The following CNTNAP5 variants were observed in gnomAD, a reference collection of about 807,000 sequenced individuals.
The protein encoded by CNTNAP5 is contactin-associated protein-like 5.
A neutral mutation model predicts 150.2 loss-of-function variants in CNTNAP5; 72 were observed. The observed-to-expected ratio is 0.48, with a 90% CI of 0.40 to 0.58. The LOEUF is 0.58. Among genes scored for constraint, CNTNAP5 ranks in the 20% least tolerant of loss-of-function variants. The pLI is 0.00. For synonymous variants in CNTNAP5, 672 were observed against 619.8 expected, an observed-to-expected ratio of 1.08 and a Z score of -1.25; for missense variants, 1,636 against 1,626.2, an observed-to-expected ratio of 1.01 and a Z score of -0.10.
At chr2:124,884,572 C>G (rs970134092) in intron 21 of CNTNAP5, among the ~76,000 whole-genome samples, 1 of 151,902 alleles carries the variant, frequency 6.6e-6, no homozygotes, top group Non-Finnish European at 1.5e-5. Context: ...AGGGCTGGGC[C>G]TTTAGTTAGA....
intron 11 of CNTNAP5, among the ~76,000 whole-genome samples, chr2:124,597,936 C>T (rs1354675487): frequency 7.6e-6 from 1 of 131,084 alleles, no homozygotes; most frequent in African/African-American, 2.8e-5. Context: ...TTGATCGCAT[C>T]GGCTCCTGAG....
At chr2:124,754,589 C>G (rs1369802060) in intron 14 of CNTNAP5, among the ~76,000 whole-genome samples, 1 of 152,112 alleles carries the variant, frequency 6.6e-6, no homozygotes, top group Non-Finnish European at 1.5e-5. Flanking sequence ...TAGTTATTTT[C>G]TGCTGTTTCA....
intron 1 of CNTNAP5, among the ~76,000 whole-genome samples, chr2:124,196,015 C>G (rs1183529811): frequency 2.0e-5 from 3 of 152,012 alleles, no homozygotes; most frequent in Non-Finnish European, 4.4e-5. Context: ...ACTTTTTGGA[C>G]TCATTTTGAG....
At chr2:124,175,467 A>C (rs1685041618) in intron 1 of CNTNAP5, among the ~76,000 whole-genome samples, 1 of 152,008 alleles carries the variant, frequency 6.6e-6, no homozygotes, top group Non-Finnish European at 1.5e-5. Context: ...TTTTAGATTC[A>C]TGGGGTACAC....
intron 19 of CNTNAP5, among the ~76,000 whole-genome samples, chr2:124,858,709 CA>C (rs1162513878): frequency 6.6e-6 from 1 of 151,858 alleles, no homozygotes; most frequent in Non-Finnish European, 1.5e-5. Context: ...AATGGATACA[CA>C]AAAAATAAAA....
intron 21 of CNTNAP5, among the ~76,000 whole-genome samples, chr2:124,881,182 T>C (rs1677956889): frequency 6.6e-6 from 1 of 152,094 alleles, no homozygotes; most frequent in African/African-American, 2.4e-5. Flanking sequence ...TCAGAGCTGC[T>C]GTTATCAGAC....
At chr2:124,421,200 T>C (rs1692095942) in intron 4 of CNTNAP5, among the ~76,000 whole-genome samples, 1 of 152,220 alleles carries the variant, frequency 6.6e-6, no homozygotes, top group Admixed American at 6.5e-5. Flanking sequence ...ACCCCACATC[T>C]GTATCTCATG....
chr2:124,136,997 C>T (rs535242053), intron 1 of CNTNAP5, among the ~76,000 whole-genome samples: 4 of 152,210 alleles, frequency 2.6e-5, no homozygotes, highest in Non-Finnish European at 4.4e-5. Context: ...CTAACCTAGG[C>T]TGGAGGAGAA....
At chr2:124,878,463 T>C (rs1677903457) in intron 21 of CNTNAP5, among the ~76,000 whole-genome samples, 2 of 152,084 alleles carry the variant, frequency 1.3e-5, no homozygotes, top group Admixed American at 6.6e-5. Flanking sequence ...ACCAGTATAA[T>C]AATAATATAA....
intron 21 of CNTNAP5, among the ~76,000 whole-genome samples, chr2:124,896,546 T>C (rs546292590): frequency 6.6e-4 from 100 of 151,324 alleles, no homozygotes; most frequent in Admixed American, 1.1e-3. Flanking sequence ...TCTTTTTTTT[T>C]TGGTTTCTTT....
chr2:124,796,793 A>G (rs1373460142), intron 18 of CNTNAP5, among the ~76,000 whole-genome samples: 2 of 152,194 alleles, frequency 1.3e-5, no homozygotes, highest in South Asian at 4.1e-4. Flanking sequence ...TAATCATGCC[A>G]ATATGGGTTT....
At chr2:124,336,502 C>A (rs1306953729) in intron 3 of CNTNAP5, among the ~76,000 whole-genome samples, 5 of 149,290 alleles carry the variant, frequency 3.3e-5, no homozygotes, top group Non-Finnish European at 5.9e-5. Flanking sequence ...TTAGGTATAT[C>A]TCCTAATGCT....
In CNTNAP5 at chr2:124,527,365, G is replaced by A; in HGVS notation, c.1558G>A (p.Asp520Asn). 6.2e-7 allele frequency: 1 copy of A among 1,613,538 alleles called. No homozygotes were observed. The highest frequency in any genetic ancestry group is 8.5e-7 in the Non-Finnish European group (1 of 1,179,604). ...AGGCTGCATGAGGCTCATCTTTATT[G>A]ATAACCAGCCCAAGGACCTCATTTC... ...FQGCMRLIFI[D>N]NQPKDLISVQ... The change falls in exon 10 of 24, where the codon GAT becomes AAT. Residue 520 changes from aspartate (D) to asparagine (N), a missense_variant. Physicochemically the swap from Asp to Asn is conservative, Grantham distance 23. Coordinates refer to ENST00000682447, the MANE Select transcript of CNTNAP5 (RefSeq NM_001367498.1).
intron 13 of CNTNAP5, among the ~76,000 whole-genome samples, chr2:124,694,994 T>TTGTG (rs138349590): frequency 0.1 from 15,206 of 150,238 alleles, 962 homozygotes; most frequent in Non-Finnish European, 0.15. Flanking sequence ...ATTTCCTAAA[T>TTGTG]TGTGTGTGTG....
intron 7 of CNTNAP5, among the ~76,000 whole-genome samples, chr2:124,492,515 C>A (rs909925869): frequency 6.6e-6 from 1 of 152,040 alleles, no homozygotes. Context: ...AAATGTGGTG[C>A]TTTCAGCTTT....
chr2:124,450,204 T>G (rs1053592501), intron 6 of CNTNAP5, among the ~76,000 whole-genome samples: 7 of 151,972 alleles, frequency 4.6e-5, no homozygotes, highest in African/African-American at 1.7e-4. Context: ...TTTTGGAGCA[T>G]GTACTACTCT....
intron 19 of CNTNAP5, among the ~76,000 whole-genome samples, chr2:124,843,111 T>C (rs531741999): frequency 6.6e-6 from 1 of 152,232 alleles, no homozygotes; most frequent in Non-Finnish European, 1.5e-5. Flanking sequence ...TGCCTTTGCA[T>C]CATCATAGCT....
intron 3 of CNTNAP5, among the ~76,000 whole-genome samples, chr2:124,260,913 C>T (rs1687437186): frequency 6.6e-6 from 1 of 152,100 alleles, no homozygotes; most frequent in Admixed American, 6.6e-5. Flanking sequence ...ATTGTCACAT[C>T]TTAATTTTGA....
Position 124,919,437 on chromosome 2 carries a change from G to A in CNTNAP5, c.*5149G>A, listed in dbSNP as rs1043503697. 1.3e-5 allele frequency among the ~76,000 whole-genome samples: 2 copies of A among 152,126 alleles called. No homozygotes were observed. Among genetic ancestry groups the A allele is most frequent in the African/African-American group, 4.8e-5 (2 of 41,442 alleles). On this transcript the variant is annotated 3_prime_UTR_variant, in exon 24 of 24. Transcript: ENST00000682447. ...TTATAGTCTACAAAATGGCTGAGCAGACATGAACAAAGGTTAATGCAAAAG... is the reference window on the plus strand; with the variant it reads ...TTATAGTCTACAAAATGGCTGAGCAAACATGAACAAAGGTTAATGCAAAAG...
Sources: gnomAD v4.1 joint callset for allele counts (sites outside exome capture counted in the v4.1 genomes callset) on GRCh38, gnomAD v4.1.1 for gene constraint, MANE v1.5 for transcripts, NCBI Gene and HGNC (gene_info 2026-07-23, HGNC 2026-07-21) for gene names.